DNAH3: variants seen among roughly 807,000 people sequenced by gnomAD.
The protein encoded by DNAH3 is axonemal beta dynein heavy chain 3.
In DNAH3, 332 loss-of-function variants were observed where a neutral mutation model predicts 432.5. The ratio of observed to expected loss-of-function variants is 0.77; its 90% CI spans 0.70 to 0.84. DNAH3 has a LOEUF of 0.84. Among genes scored for constraint, DNAH3 ranks in the 40% least tolerant of loss-of-function variants. The pLI is 0.00. For missense variants in DNAH3, 4,861 were observed against 5,114.0 expected (o/e 0.95, Z 1.51); for synonymous variants, 1,956 against 1,900.2 (o/e 1.03, Z -0.76).
chr16:20,973,217 C>CA (rs2085425226), intron 51 of DNAH3, among the ~76,000 whole-genome samples: 1 of 152,112 alleles, frequency 6.6e-6, no homozygotes, highest in African/African-American at 2.4e-5. Context: ...CACTGAACCT[C>CA]AATGCTGTCA....
At chr16:21,087,205 A>G (rs772758664) in intron 18 of DNAH3, 145 bp from the exon 19 acceptor site, 177 of 683,204 alleles carry the variant, frequency 2.6e-4, no homozygotes, top group Non-Finnish European at 4.0e-4. Flanking sequence ...ACCTGCACTT[A>G]GCCAGTGGAA....
At chr16:21,154,681 T>C (rs1262065006) in intron 1 of DNAH3, among the ~76,000 whole-genome samples, 3 of 152,222 alleles carry the variant, frequency 2.0e-5, no homozygotes, top group African/African-American at 2.4e-5. Context: ...AGGAAACTGA[T>C]ACATTAAACT....
chr16:20,944,617 T>A, exon 58 of DNAH3: 1 of 1,614,112 alleles, frequency 6.2e-7, no homozygotes, highest in Non-Finnish European at 8.5e-7. Context: ...GCCGAACACT[T>A]CTGGGTGGGC....
intron 42 of DNAH3, among the ~76,000 whole-genome samples, chr16:21,001,054 T>C (rs1289507301): frequency 6.6e-6 from 1 of 152,246 alleles, no homozygotes. Flanking sequence ...AGTGTGATCC[T>C]GAATCCCCAT....
intron 41 of DNAH3, among the ~76,000 whole-genome samples, chr16:21,014,463 A>G (rs1288074195): frequency 6.6e-6 from 1 of 152,236 alleles, no homozygotes; most frequent in Non-Finnish European, 1.5e-5. Context: ...TCAACTTGAT[A>G]AAGAATACCA....
Position 20,997,293 on chromosome 16 carries a change from A to G in DNAH3, c.6591T>C (p.Asn2197=), listed in dbSNP as rs747247917. 3.1e-6 allele frequency: 5 copies of G among 1,613,948 alleles called. No homozygotes were observed. The South Asian group carries it at 5.5e-5, about 18-fold the overall frequency. The change falls in exon 44 of 62, where the codon AAT becomes AAC. Residue 2197 remains asparagine, a synonymous_variant. Coordinates refer to ENST00000261383, the Ensembl canonical transcript of DNAH3. ...CTTCCCTTCACATACCAGTAATGTC[A>G]TTCCTTCCTCCCCCGGGGGGCCCCA...
exon 17 of DNAH3, chr16:21,098,747 G>A (rs1440915812): frequency 1.2e-6 from 2 of 1,611,252 alleles, no homozygotes; most frequent in Non-Finnish European, 8.5e-7. Flanking sequence ...TAGCCCTCAA[G>A]TCTCAACTCA....
intron 3 of DNAH3, among the ~76,000 whole-genome samples, chr16:21,143,190 AG>A (rs1464196254): frequency 6.6e-6 from 1 of 152,202 alleles, no homozygotes; most frequent in Non-Finnish European, 1.5e-5. Context: ...TTTTGGACTA[AG>A]AAAATTATTA....
intron 37 of DNAH3, among the ~76,000 whole-genome samples, chr16:21,030,744 G>A (rs946734537): frequency 6.6e-6 from 1 of 152,278 alleles, no homozygotes; most frequent in East Asian, 1.9e-4. Flanking sequence ...TCAGAGAAGT[G>A]ATGTGACTTG....
In DNAH3 at chr16:20,963,365, C is replaced by T. The variant is rs559479506; in HGVS notation, c.10519G>A (p.Asp3507Asn). The change falls in exon 53 of 62, where the codon GAT (aspartate) becomes AAT (asparagine). Residue 3507 changes from aspartate (D) to asparagine (N), a missense_variant. Coordinates refer to ENST00000261383, the Ensembl canonical transcript of DNAH3. ...GAATCATTGTAGGATCCCTGGAGATCGAACGTAGGGGCTTCGATATACAGC... is the reference window on the plus strand; with the variant it reads ...GAATCATTGTAGGATCCCTGGAGATTGAACGTAGGGGCTTCGATATACAGC... 1.5e-5 allele frequency: 25 copies of T among 1,614,122 alleles called. No homozygotes were observed. The Admixed American group carries it at 2.2e-4, about 14-fold the overall frequency.
At chr16:20,972,109 T>A (rs566861296) in intron 51 of DNAH3, among the ~76,000 whole-genome samples, 9 of 152,186 alleles carry the variant, frequency 5.9e-5, no homozygotes, top group Non-Finnish European at 1.2e-4. Context: ...AGGGGCAGCA[T>A]CTATTTAATA....
intron 12 of DNAH3, among the ~76,000 whole-genome samples, chr16:21,115,745 TA>T (rs1372435215): frequency 1.3e-5 from 2 of 148,226 alleles, no homozygotes; most frequent in African/African-American, 2.5e-5. Context: ...TAAAATAAAA[TA>T]AAAATAAAAT....
chr16:21,062,767 C>T (rs1412839594), intron 24 of DNAH3, 84 bp from the exon 25 acceptor site: 29 of 1,046,324 alleles, frequency 2.8e-5, no homozygotes, highest in South Asian at 9.3e-5. Context: ...ACAGGTAGTC[C>T]GCACCTACGT....
chr16:21,049,726 T>C (rs1280537114), intron 30 of DNAH3, 44 bp from the exon 31 acceptor site: 7 of 1,571,466 alleles, frequency 4.5e-6, no homozygotes, highest in Middle Eastern at 3.3e-4. Context: ...GTGGATTCCA[T>C]CCCATCTGAA....
In DNAH3 at chr16:20,933,172, C is replaced by G. The variant is rs772034292; in HGVS notation, c.12333G>C (p.Leu4111=). The G allele has an allele frequency of 5.0e-6, 8 of 1,613,136 alleles. No homozygotes were observed. The African/African-American group carries it at 1.1e-4, about 22-fold the overall frequency. The change falls in exon 62 of 62, where the codon CTG becomes CTC. Residue 4111 remains leucine (L), a synonymous_variant. Transcript: ENST00000261383. Reference sequence around the variant, plus strand: ...AATGCCATCAGTTATCCAGCTGGCACAGTGAGGCCACCCCTCGGTTTATCC... The same window carrying G: ...AATGCCATCAGTTATCCAGCTGGCAGAGTGAGGCCACCCCTCGGTTTATCC...
chr16:21,055,287 C>T (rs1038593380), intron 27 of DNAH3, among the ~76,000 whole-genome samples: 1 of 152,150 alleles, frequency 6.6e-6, no homozygotes, highest in Admixed American at 6.5e-5. Context: ...AACTCCTGAC[C>T]TCAAGTGATT....
chr16:21,081,772 G>A (rs1451510603), intron 19 of DNAH3, 45 bp from the exon 20 acceptor site: 8 of 1,524,192 alleles, frequency 5.2e-6, no homozygotes, highest in Non-Finnish European at 7.3e-6. Context: ...CCGAGGCAGT[G>A]CTGTCCAGTA....
At chr16:21,076,604 G>T (rs1275340719) in intron 20 of DNAH3, among the ~76,000 whole-genome samples, 1 of 152,064 alleles carries the variant, frequency 6.6e-6, no homozygotes, top group Admixed American at 6.6e-5. Context: ...CCCAGAACAG[G>T]ACAGTTTTTC....
intron 29 of DNAH3, 123 bp from the exon 30 acceptor site, chr16:21,050,141 C>A: frequency 2.8e-6 from 2 of 710,710 alleles, no homozygotes; most frequent in Non-Finnish European, 4.6e-6. Context: ...CAGTTTTTGC[C>A]ATTGAAAGTA....
Sources: allele counts gnomAD v4.1 joint callset (sites outside exome capture counted in the v4.1 genomes callset), GRCh38; gene constraint gnomAD v4.1.1; transcripts MANE v1.5; gene names NCBI Gene and HGNC (gene_info 2026-07-23, HGNC 2026-07-21).